PEBP4: variants seen among roughly 807,000 people sequenced by gnomAD.
The protein encoded by PEBP4 is phosphatidylethanolamine-binding protein 4.
Under a neutral mutation model 23.9 loss-of-function variants are expected in PEBP4, and 22 were observed. That is an observed-to-expected ratio of 0.92 (90% CI 0.66 to 1.31). PEBP4 has a LOEUF of 1.31. Ranked by LOEUF, PEBP4 falls within the 40% of genes most tolerant of loss-of-function variation. The pLI, the probability that PEBP4 is intolerant of heterozygous loss-of-function variation, is 0.00. For missense variants in PEBP4, 324 were observed against 281.7 expected (o/e 1.15, Z -1.07); for synonymous variants, 112 against 99.3 (o/e 1.13, Z -0.76).
At chr8:22,779,711 G>A (rs73212892) in intron 4 of PEBP4, among the ~76,000 whole-genome samples, 19,575 of 152,246 alleles carry the variant, frequency 0.13, 1,607 homozygotes, top group South Asian at 0.23. Context: ...GTTTAGCACT[G>A]GGAAGGGTGA....
intron 3 of PEBP4, among the ~76,000 whole-genome samples, chr8:22,905,308 CT>C (rs1248713453): frequency 4.0e-5 from 6 of 149,426 alleles, no homozygotes; most frequent in Non-Finnish European, 7.4e-5. Context: ...GGCTATTCAT[CT>C]TTTTCTTGCT....
chr8:22,743,332 T>C lies in PEBP4; in HGVS notation c.358-16112A>G, dbSNP rs77568765. ...GAAACCCCCTCAGTTTCTACTGTAA[T>C]AAAGAAGGGGCCTGAGCTCTTGCTG... On this transcript the variant is annotated intron_variant, in intron 4 of 6. Coordinates refer to ENST00000256404, the MANE Select transcript of PEBP4 (RefSeq NM_144962.3). Among the ~76,000 whole-genome samples the C allele has an allele frequency of 6.7e-3, 1,019 of 152,322 alleles. 13 individuals carry two copies. The highest frequency in any genetic ancestry group is 0.023 in the African/African-American group (974 of 41,574).
At chr8:22,892,672 ATCT>A (rs33957089) in intron 3 of PEBP4, among the ~76,000 whole-genome samples, 1,747 of 152,324 alleles carry the variant, frequency 0.011, 39 homozygotes, top group African/African-American at 0.04. Flanking sequence ...ACAGGTAAAG[ATCT>A]TCTGGTTCCA....
At chr8:22,923,207 G>A (rs1479589644) in intron 2 of PEBP4, among the ~76,000 whole-genome samples, 2 of 152,154 alleles carry the variant, frequency 1.3e-5, no homozygotes, top group Non-Finnish European at 2.9e-5. Context: ...TCCCTAGTGA[G>A]CTGTTTCATT....
chr8:22,829,246 A>G lies in PEBP4; in HGVS notation c.259-11511T>C, dbSNP rs137932018. On this transcript the variant is annotated intron_variant, in intron 3 of 6. Coordinates refer to ENST00000256404, the MANE Select transcript of PEBP4 (RefSeq NM_144962.3). ...TGACCTGAGCAGTGAGTGCTGCAGC[A>G]GAAAGTCACATCACAGAAGAGGTTG... Among the ~76,000 whole-genome samples the G allele has an allele frequency of 7.6e-3, 1,150 of 152,306 alleles. 9 individuals are homozygous for G. Among genetic ancestry groups the G allele is most frequent in the Non-Finnish European group, 0.012 (849 of 68,018 alleles).
At chr8:22,858,486 A>G (rs961990598) in intron 3 of PEBP4, among the ~76,000 whole-genome samples, 6 of 152,224 alleles carry the variant, frequency 3.9e-5, no homozygotes, top group Non-Finnish European at 8.8e-5. Context: ...AATGCAGAGT[A>G]TTAAGTATCT....
intron 3 of PEBP4, among the ~76,000 whole-genome samples, chr8:22,842,938 A>G (rs1301071389): frequency 1.3e-5 from 2 of 152,084 alleles, no homozygotes; most frequent in East Asian, 1.9e-4. Flanking sequence ...AGTGATTCTC[A>G]TGCCTCAGCC....
chr8:22,924,758 G>T, intron 2 of PEBP4: 1 of 985,322 alleles, frequency 1.0e-6, no homozygotes, highest in Non-Finnish European at 1.2e-6. Context: ...CAGGTTTGGA[G>T]AATCATGGTT....
intron 3 of PEBP4, among the ~76,000 whole-genome samples, chr8:22,847,272 C>G (rs1807458850): frequency 6.6e-6 from 1 of 152,176 alleles, no homozygotes; most frequent in African/African-American, 2.4e-5. Flanking sequence ...CCTCTCCCAT[C>G]CTACCCTGGC....
At chr8:22,900,301 T>C (rs561690438) in intron 3 of PEBP4, among the ~76,000 whole-genome samples, 78 of 152,290 alleles carry the variant, frequency 5.1e-4, no homozygotes, top group African/African-American at 1.8e-3. Context: ...AATACTCTAA[T>C]TGGTTCCTTG....
chr8:22,926,786 T>A (rs1809344822), intron 2 of PEBP4, among the ~76,000 whole-genome samples: 2 of 152,256 alleles, frequency 1.3e-5, no homozygotes, highest in Non-Finnish European at 2.9e-5. Context: ...CAGTAATGTT[T>A]GTGAAAATTC....
Position 22,724,877 on chromosome 8 carries a change from G to T in PEBP4, c.483C>A (p.Val161=). 6.2e-7 allele frequency: 1 copy of T among 1,614,024 alleles called. No individual in the cohort carries two copies. ...QFFVYLQEGK[V]ISLLPKENKT... is the part of the protein sequence containing the mutation. ...TGTTTTCCTTGGGAAGGAGAGAGATGACTTTTCCTTCCTGAAGATAGACAA... is the reference window on the plus strand; with the variant it reads ...TGTTTTCCTTGGGAAGGAGAGAGATTACTTTTCCTTCCTGAAGATAGACAA... Residue 161 remains valine, a synonymous_variant, in exon 6 of 7, where the codon GTC becomes GTA. Transcript: ENST00000256404.
rs1296554619 is a variant in PEBP4 at position 22,856,473 on chromosome 8, T to C, written c.259-38738A>G. ...GGCTCACACCTGTAATCCCAGCACT[T>C]TGGGAGGCCGAGGCAGGCGGATTAC... On this transcript the variant is annotated intron_variant, in intron 3 of 6. Coordinates refer to ENST00000256404, the MANE Select transcript of PEBP4 (RefSeq NM_144962.3). Among the ~76,000 whole-genome samples the C allele has an allele frequency of 2.6e-5, 4 of 152,234 alleles. No homozygotes were observed. In the South Asian group the frequency reaches 6.2e-4, roughly 24 times the overall value.
chr8:22,881,451 T>A (rs1473010407), intron 3 of PEBP4, among the ~76,000 whole-genome samples: 1 of 152,236 alleles, frequency 6.6e-6, no homozygotes, highest in Non-Finnish European at 1.5e-5. Flanking sequence ...CTTATGTCTG[T>A]CCTGCTCTGC....
At chr8:22,894,894 T>TC (rs1455052442) in intron 3 of PEBP4, among the ~76,000 whole-genome samples, 1 of 152,074 alleles carries the variant, frequency 6.6e-6, no homozygotes, top group Non-Finnish European at 1.5e-5. Flanking sequence ...CTGCCCCTTT[T>TC]CCCCAGGTCC....
At chr8:22,817,527 AC>A in intron 4 of PEBP4, 109 bp downstream of exon 4, 1 of 1,011,270 alleles carries the variant, frequency 9.9e-7, no homozygotes, top group Non-Finnish European at 1.5e-6. Context: ...GAGATGGGAC[AC>A]AGAAGTCCTC....
intron 5 of PEBP4, 103 bp from the exon 6 acceptor site, chr8:22,725,059 A>G: frequency 1.2e-6 from 1 of 800,232 alleles, no homozygotes; most frequent in Non-Finnish European, 2.2e-6. Flanking sequence ...GGGGCCCCAG[A>G]TCAGCACTCG....
At chr8:22,875,158 GC>G (rs1222902998) in intron 3 of PEBP4, among the ~76,000 whole-genome samples, 2 of 151,322 alleles carry the variant, frequency 1.3e-5, no homozygotes, top group African/African-American at 4.9e-5. Flanking sequence ...GTGCTTTTTC[GC>G]CCCCGAGACT....
intron 4 of PEBP4, among the ~76,000 whole-genome samples, chr8:22,740,569 C>T (rs548302930): frequency 6.6e-6 from 1 of 152,338 alleles, no homozygotes; most frequent in African/African-American, 2.4e-5. Context: ...GCCCAATTCC[C>T]CTGGGGTCTC....
Sources: gnomAD v4.1 joint callset for allele counts (sites outside exome capture counted in the v4.1 genomes callset) on GRCh38, gnomAD v4.1.1 for gene constraint, MANE v1.5 for transcripts, NCBI Gene and HGNC (gene_info 2026-07-23, HGNC 2026-07-21) for gene names.